Variants in LHX8 observed in about 807,000 individuals in gnomAD.
The protein encoded by LHX8 is LIM/homeobox protein Lhx8.
In LHX8, 12 loss-of-function variants were observed where a neutral mutation model predicts 40.3. The ratio of observed to expected loss-of-function variants is 0.30; its 90% confidence interval spans 0.19 to 0.48. The LOEUF (loss-of-function observed/expected upper bound fraction) is 0.48, where lower values mean the gene tolerates loss of function less well. Among genes scored for constraint, LHX8 ranks in the 20% least tolerant of loss-of-function variants. LHX8 has a pLI of 0.99. For missense variants in LHX8, 344 were observed against 433.7 expected, an observed-to-expected ratio of 0.79 and a Z score of 1.84; for synonymous variants, 179 against 162.0, an observed-to-expected ratio of 1.10 and a Z score of -0.80.
intron 7 of LHX8, among the ~76,000 whole-genome samples, chr1:75,154,191 AT>A (rs1648691804): frequency 6.6e-6 from 1 of 152,186 alleles, no homozygotes; most frequent in African/African-American, 2.4e-5. Context: ...GCTGGGTAGC[AT>A]TCATGCCAGA....
At chr1:75,155,993 T>C (rs1648752111) in intron 7 of LHX8, among the ~76,000 whole-genome samples, 1 of 148,148 alleles carries the variant, frequency 6.8e-6, no homozygotes, top group African/African-American at 2.5e-5. Context: ...ATACATTTAG[T>C]AGTCTTTTTT....
At chr1:75,190,494 T>TTTGTTTTCACAAGA in the LHX8 span, among the ~76,000 whole-genome samples, 322 of 152,302 alleles carry the variant, frequency 2.1e-3, 2 homozygotes, top group Non-Finnish European at 3.8e-3. Context: ...CACTGCTTAT[T>TTTGTTTTCACAAGA]TTGTTTTCAC....
In LHX8 at chr1:75,161,312, T is replaced by C. The variant is rs184182933; in HGVS notation, c.*417T>C. ...TAAATATTACCTGTATTTTTTGTTA[T>C]ATACAACTTTATACTTTGAAGCTTG... On this transcript the variant is annotated 3_prime_UTR_variant, in exon 9 of 9. Transcript: ENST00000356261. 34 of 180,394 alleles carry C rather than the reference T, an allele frequency of 1.9e-4. No homozygotes were observed. Among genetic ancestry groups the C allele is most frequent in the Non-Finnish European group, 3.2e-4 (27 of 85,276 alleles). 11.2% of individuals were successfully genotyped at this position (180,394 alleles called of 1,614,324 possible). A position where few individuals can be genotyped will look rare whatever the true frequency, so the allele number is the denominator to read the frequency against.
the LHX8 span, among the ~76,000 whole-genome samples, chr1:75,181,458 C>T: frequency 1.5e-4 from 23 of 152,076 alleles, no homozygotes; most frequent in South Asian, 2.1e-4. Flanking sequence ...AGTTCGATCT[C>T]GGACTAGGAG....
At chr1:75,155,536 T>G (rs1265220499) in intron 7 of LHX8, among the ~76,000 whole-genome samples, 1 of 152,064 alleles carries the variant, frequency 6.6e-6, no homozygotes, top group Admixed American at 6.6e-5. Flanking sequence ...GCCCGGCCCA[T>G]GAAGAAACAC....
At chr1:75,137,334 T>G in intron 3 of LHX8, 73 bp downstream of exon 3, 7 of 1,437,594 alleles carry the variant, frequency 4.9e-6, no homozygotes, top group Non-Finnish European at 6.8e-6. Context: ...AAGAGTAATG[T>G]TCCTCCCACC....
At chr1:75,162,252 AT>A (rs34196923), downstream of LHX8, among the ~76,000 whole-genome samples, 203 of 147,106 alleles carry the variant, frequency 1.4e-3, no homozygotes, top group Admixed American at 1.2e-3. Context: ...AAGGGGAGGG[AT>A]TTTTTTTTTT....
the LHX8 span, among the ~76,000 whole-genome samples, chr1:75,194,385 G>A: frequency 6.6e-6 from 1 of 152,270 alleles, no homozygotes; most frequent in East Asian, 1.9e-4. Context: ...GCAGGGTCCT[G>A]GACCAGAGGA....
chr1:75,168,971 C>T, the LHX8 span, among the ~76,000 whole-genome samples: 1 of 152,174 alleles, frequency 6.6e-6, no homozygotes, highest in Non-Finnish European at 1.5e-5. Flanking sequence ...CACCCCTTTC[C>T]CCCTAAAATA....
At chr1:75,180,513 G>A in the LHX8 span, among the ~76,000 whole-genome samples, 1 of 152,096 alleles carries the variant, frequency 6.6e-6, no homozygotes, top group African/African-American at 2.4e-5. Context: ...GTGTCACGTA[G>A]TTCTCATGCC....
At chr1:75,174,280 G>C in the LHX8 span, among the ~76,000 whole-genome samples, 1 of 152,090 alleles carries the variant, frequency 6.6e-6, no homozygotes, top group African/African-American at 2.4e-5. Flanking sequence ...CTGGAGTCTG[G>C]TACAACCCCT....
downstream of LHX8, among the ~76,000 whole-genome samples, chr1:75,166,521 T>C (rs1160469564): frequency 1.3e-5 from 2 of 152,216 alleles, no homozygotes; most frequent in Admixed American, 6.5e-5. Flanking sequence ...GTGATGTCTC[T>C]AGAGAACCAC....
the LHX8 span, among the ~76,000 whole-genome samples, chr1:75,168,790 C>T: frequency 4.6e-5 from 7 of 152,102 alleles, no homozygotes; most frequent in African/African-American, 1.4e-4. Context: ...CTCTTACTAC[C>T]TATGTAACCG....
downstream of LHX8, among the ~76,000 whole-genome samples, chr1:75,164,888 G>A (rs1156777989): frequency 6.6e-6 from 1 of 151,840 alleles, no homozygotes; most frequent in East Asian, 1.9e-4. Flanking sequence ...CGCACAGGCT[G>A]GTCTCGAATT....
intron 7 of LHX8, among the ~76,000 whole-genome samples, chr1:75,151,858 T>A (rs1343304000): frequency 6.6e-6 from 1 of 152,254 alleles, no homozygotes; most frequent in Non-Finnish European, 1.5e-5. Context: ...GGCAGACATC[T>A]GTCATGTAAT....
chr1:75,191,004 G>T, the LHX8 span, among the ~76,000 whole-genome samples: 1 of 152,074 alleles, frequency 6.6e-6, no homozygotes, highest in Non-Finnish European at 1.5e-5. Context: ...TTTATTGTAT[G>T]TCAACCTAAA....
chr1:75,136,956 G>A (rs1221662780), intron 2 of LHX8, 144 bp from the exon 3 acceptor site: 2 of 939,536 alleles, frequency 2.1e-6, no homozygotes, highest in Admixed American at 3.2e-5. Flanking sequence ...GGAAGAGGGC[G>A]AGAATCGTGA....
the LHX8 span, among the ~76,000 whole-genome samples, chr1:75,173,374 C>CTTTT: frequency 6.2e-5 from 6 of 96,470 alleles, no homozygotes; most frequent in African/African-American, 1.6e-4. Context: ...GATATATACT[C>CTTTT]TTTTTTTTTT....
chr1:75,187,449 G>A, the LHX8 span, among the ~76,000 whole-genome samples: 8 of 152,132 alleles, frequency 5.3e-5, no homozygotes, highest in Non-Finnish European at 7.4e-5. Flanking sequence ...AGACTTGTCC[G>A]CAGCATACAG....
Sources: gnomAD v4.1 joint callset for allele counts (sites outside exome capture counted in the v4.1 genomes callset) on GRCh38, gnomAD v4.1.1 for gene constraint, MANE v1.5 for transcripts, NCBI Gene and HGNC (gene_info 2026-07-23, HGNC 2026-07-21) for gene names.